SEMA5A: variants seen among roughly 807,000 people sequenced by gnomAD.
SEMA5A encodes the protein semaphorin 5A, also known as semaphorin-5A.
A neutral mutation model predicts 135.5 loss-of-function variants in SEMA5A; 55 were observed. That is an observed-to-expected ratio of 0.41 (90% CI 0.33 to 0.51). SEMA5A has a LOEUF of 0.51. Ranked by LOEUF, SEMA5A falls within the 20% of genes least tolerant of loss-of-function variation. The pLI, the probability that SEMA5A is intolerant of heterozygous loss-of-function variation, is 0.37. For missense variants in SEMA5A, 1,290 were observed against 1,419.9 expected (o/e 0.91, Z 1.47); for synonymous variants, 580 against 546.5 (o/e 1.06, Z -0.85).
chr5:9,081,270 G>A (rs970675409), intron 16 of SEMA5A, among the ~76,000 whole-genome samples: 1 of 152,160 alleles, frequency 6.6e-6, no homozygotes, highest in African/African-American at 2.4e-5. Flanking sequence ...TTCAGCCTGT[G>A]AGACATTGAG....
intron 2 of SEMA5A, among the ~76,000 whole-genome samples, chr5:9,425,106 T>C (rs978634777): frequency 1.6e-4 from 25 of 152,188 alleles, no homozygotes; most frequent in Admixed American, 1.2e-3. Context: ...ACCTCTGTGG[T>C]CTCAATTCAC....
At chr5:9,524,283 C>T (rs923303908) in intron 1 of SEMA5A, among the ~76,000 whole-genome samples, 1 of 152,170 alleles carries the variant, frequency 6.6e-6, no homozygotes, top group Admixed American at 6.5e-5. Flanking sequence ...TCATGAATTA[C>T]CCAGTCTCAG....
chr5:9,351,968 G>C (rs1754138186), intron 3 of SEMA5A, among the ~76,000 whole-genome samples: 1 of 152,004 alleles, frequency 6.6e-6, no homozygotes, highest in Non-Finnish European at 1.5e-5. Flanking sequence ...TTCATTCAAG[G>C]AGACCCCCTT....
chr5:9,176,980 A>G (rs567087672), intron 11 of SEMA5A, among the ~76,000 whole-genome samples: 31 of 152,366 alleles, frequency 2.0e-4, no homozygotes, highest in South Asian at 1.4e-3. Flanking sequence ...CACTGCCAGA[A>G]TAATCTAATT....
Position 9,177,292 on chromosome 5 carries a change from A to T in SEMA5A, c.1273+12975T>A, listed in dbSNP as rs1744256221. On this transcript the variant is annotated intron_variant, in intron 11 of 22. Coordinates refer to ENST00000382496, the MANE Select transcript of SEMA5A (RefSeq NM_003966.3). ...CCCTAAAGAATTGACTTCAGGGTGC[A>T]GGTTACAGAAAATGAAGGTAGAGGA... 4.6e-5 allele frequency among the ~76,000 whole-genome samples: 7 copies of T among 152,318 alleles called. No homozygotes were observed. In the South Asian group the frequency reaches 1.2e-3, roughly 27 times the overall value.
At chr5:9,535,404 G>A (rs268553) in intron 1 of SEMA5A, among the ~76,000 whole-genome samples, 3 of 151,942 alleles carry the variant, frequency 2.0e-5, no homozygotes, top group Non-Finnish European at 2.9e-5. Flanking sequence ...AGCCAAGATG[G>A]GCTGCCTGGA....
At chr5:9,155,976 C>T (rs1742931278) in intron 11 of SEMA5A, among the ~76,000 whole-genome samples, 2 of 152,152 alleles carry the variant, frequency 1.3e-5, no homozygotes, top group South Asian at 2.1e-4. Flanking sequence ...TTTAAGCTAA[C>T]TGGTTAAATA....
intron 5 of SEMA5A, among the ~76,000 whole-genome samples, chr5:9,254,214 A>G (rs1748945204): frequency 6.6e-6 from 1 of 152,232 alleles, no homozygotes. Flanking sequence ...GAGCTTTTCT[A>G]AAGCCTGCTG....
At chr5:9,131,451 A>T (rs907938028) in intron 13 of SEMA5A, among the ~76,000 whole-genome samples, 1 of 151,830 alleles carries the variant, frequency 6.6e-6, no homozygotes, top group African/African-American at 2.4e-5. Context: ...TACTAAAAAC[A>T]CAAAAAATTA....
chr5:9,458,654 G>A (rs1352437051), intron 1 of SEMA5A, among the ~76,000 whole-genome samples: 1 of 152,186 alleles, frequency 6.6e-6, no homozygotes, highest in Admixed American at 6.5e-5. Flanking sequence ...CAAGGGTGAG[G>A]GAGGGAAGAC....
intron 10 of SEMA5A, among the ~76,000 whole-genome samples, chr5:9,193,452 C>T (rs1476465740): frequency 6.6e-6 from 1 of 152,144 alleles, no homozygotes; most frequent in Non-Finnish European, 1.5e-5. Context: ...AATATTTGCA[C>T]TTTTGTTTAT....
chr5:9,164,862 T>A lies in SEMA5A; in HGVS notation c.1274-10167A>T, dbSNP rs932458610. Among the ~76,000 whole-genome samples, 22 of 152,026 alleles carry A rather than the reference T, an allele frequency of 1.4e-4. 1 individual carries two copies. Among genetic ancestry groups the A allele is most frequent in the Admixed American group, 9.8e-4 (15 of 15,264 alleles). ...CATTTGAAAATTTTACGGAAATAAATCTTTAGAAGGAAGAAGGTAAAGTGG... is the reference window on the plus strand; with the variant it reads ...CATTTGAAAATTTTACGGAAATAAAACTTTAGAAGGAAGAAGGTAAAGTGG... On this transcript the variant is annotated intron_variant, in intron 11 of 22. Transcript: ENST00000382496.
chr5:9,303,048 T>C (rs1242917477), intron 5 of SEMA5A, among the ~76,000 whole-genome samples: 1 of 151,866 alleles, frequency 6.6e-6, no homozygotes, highest in East Asian at 1.9e-4. Flanking sequence ...CTTGCTAATT[T>C]ACTTATTTCA....
At chr5:9,121,483 G>A (rs922292450) in intron 14 of SEMA5A, among the ~76,000 whole-genome samples, 1 of 152,158 alleles carries the variant, frequency 6.6e-6, no homozygotes, top group Non-Finnish European at 1.5e-5. Flanking sequence ...AAGACAGATC[G>A]ATAAATAAGT....
intron 1 of SEMA5A, among the ~76,000 whole-genome samples, chr5:9,476,085 T>C (rs532832184): frequency 6.6e-6 from 1 of 152,352 alleles, no homozygotes; most frequent in South Asian, 2.1e-4. Context: ...GATATTTCCA[T>C]GTTTGCAAAA....
chr5:9,238,271 TA>T (rs1345468974), intron 5 of SEMA5A, among the ~76,000 whole-genome samples: 1 of 152,230 alleles, frequency 6.6e-6, no homozygotes, highest in Non-Finnish European at 1.5e-5. Context: ...CAAGATAATT[TA>T]AATATTAATT....
intron 5 of SEMA5A, among the ~76,000 whole-genome samples, chr5:9,262,916 A>G (rs2150519803): frequency 1.3e-5 from 2 of 149,376 alleles, no homozygotes; most frequent in South Asian, 4.2e-4. Flanking sequence ...AAATTAAAAA[A>G]AAAAAGAAAA....
intron 12 of SEMA5A, among the ~76,000 whole-genome samples, chr5:9,137,438 C>T (rs10057636): frequency 0.12 from 17,682 of 152,068 alleles, 1,786 homozygotes; most frequent in East Asian, 0.3. Context: ...GTGGCCTTTA[C>T]ATTATAAAGA....
Position 9,164,597 on chromosome 5 carries a change from G to A in SEMA5A, c.1274-9902C>T, listed in dbSNP as rs112711870. Among the ~76,000 whole-genome samples the A allele has an allele frequency of 7.2e-5, 11 of 152,090 alleles. 1 individual carries two copies. Among genetic ancestry groups the A allele is most frequent in the African/African-American group, 2.4e-4 (10 of 41,508 alleles). On this transcript the variant is annotated intron_variant, in intron 11 of 22. Transcript: ENST00000382496. The stretch of plus-strand genomic sequence containing the variant: ...AGTTCTGATCTAGAAAAGTCGCAGG[G>A]AATGTCATAGGACGTATAACATTTT...
Sources: gnomAD v4.1 joint callset for allele counts (sites outside exome capture counted in the v4.1 genomes callset) on GRCh38, gnomAD v4.1.1 for gene constraint, MANE v1.5 for transcripts, NCBI Gene and HGNC (gene_info 2026-07-23, HGNC 2026-07-21) for gene names.